Variants in TPD52 observed in about 807,000 individuals in gnomAD.
The protein encoded by TPD52 is tumor protein D52, also known as prostate and colon associated protein.
In TPD52, 17 loss-of-function variants were observed where a neutral mutation model predicts 31.3. The ratio of observed to expected loss-of-function variants is 0.54; its 90% CI spans 0.37 to 0.82. The LOEUF is 0.82. TPD52 is among the 40% of genes least tolerant of loss of function. The pLI, the probability that TPD52 is intolerant of heterozygous loss-of-function variation, is 0.00. For missense variants in TPD52, 212 were observed against 240.1 expected, an observed-to-expected ratio of 0.88 and a Z score of 0.77; for synonymous variants, 83 against 89.6, an observed-to-expected ratio of 0.93 and a Z score of 0.42.
At chr8:80,072,312 C>CGTGTGT (rs1813899661) in intron 1 of TPD52, among the ~76,000 whole-genome samples, 2 of 80,772 alleles carry the variant, frequency 2.5e-5, no homozygotes, top group Non-Finnish European at 5.1e-5. Flanking sequence ...ATCTAAAAAA[C>CGTGTGT]ATATATGTGT....
At chr8:80,038,292 C>A in intron 7 of TPD52, 57 bp from the exon 8 acceptor site, 1 of 1,582,954 alleles carries the variant, frequency 6.3e-7, no homozygotes, top group Non-Finnish European at 8.6e-7. Context: ...CTAGCTGATT[C>A]TGCATAAAGT....
At chr8:80,103,275 G>A (rs1338442634) in intron 1 of TPD52, among the ~76,000 whole-genome samples, 1 of 152,214 alleles carries the variant, frequency 6.6e-6, no homozygotes, top group African/African-American at 2.4e-5. Flanking sequence ...AAAGCCCAAT[G>A]TAAACAGTAA....
chr8:80,091,494 G>A (rs981108648), intron 1 of TPD52, among the ~76,000 whole-genome samples: 1 of 151,548 alleles, frequency 6.6e-6, no homozygotes, highest in African/African-American at 2.4e-5. Context: ...ACACAAAAGA[G>A]CATTACTATT....
chr8:80,092,681 T>C (rs1275659802), intron 1 of TPD52, among the ~76,000 whole-genome samples: 2 of 152,100 alleles, frequency 1.3e-5, no homozygotes, highest in Non-Finnish European at 2.9e-5. Flanking sequence ...AATACAACTG[T>C]CACACGTTCT....
chr8:80,080,828 A>G (rs1175384727), intron 1 of TPD52: 3 of 879,390 alleles, frequency 3.4e-6, no homozygotes, highest in Non-Finnish European at 4.1e-6. Context: ...AACATCAGAC[A>G]CTGGCTGACT....
intron 1 of TPD52, among the ~76,000 whole-genome samples, chr8:80,117,541 T>C (rs368544128): frequency 1.3e-5 from 2 of 152,142 alleles, no homozygotes; most frequent in South Asian, 4.1e-4. Context: ...GACTTAATAT[T>C]GTGGAGATGA....
At chr8:80,061,594 A>AG (rs753018740) in intron 2 of TPD52, among the ~76,000 whole-genome samples, 2 of 152,092 alleles carry the variant, frequency 1.3e-5, no homozygotes, top group Non-Finnish European at 2.9e-5. Context: ...CTGAGGCAGG[A>AG]GGATCACTTG....
intron 1 of TPD52, among the ~76,000 whole-genome samples, chr8:80,088,886 G>A (rs903063460): frequency 7.2e-5 from 11 of 152,088 alleles, no homozygotes; most frequent in African/African-American, 2.4e-4. Context: ...TAGTAGAGAC[G>A]GGGTTTCACT....
intron 1 of TPD52, among the ~76,000 whole-genome samples, chr8:80,126,819 A>C (rs1808645549): frequency 6.6e-6 from 1 of 152,198 alleles, no homozygotes; most frequent in African/African-American, 2.4e-5. Flanking sequence ...TATTTACAAC[A>C]GTTTCATTTA....
At chr8:80,130,960 G>A (rs1441567420) in intron 1 of TPD52, among the ~76,000 whole-genome samples, 1 of 152,204 alleles carries the variant, frequency 6.6e-6, no homozygotes, top group East Asian at 1.9e-4. Context: ...GAACAATCTA[G>A]GAAGAAAGTA....
Position 80,171,467 on chromosome 8 carries a change from C to T in TPD52, c.-24G>A, listed in dbSNP as rs1812097555. Reference sequence around the variant, plus strand: ...ATGTCTCCAGCCCGCCGCCTCGTGTCCTCTGCAGCACCCCCGCCTGCAGCC... The same window carrying T: ...ATGTCTCCAGCCCGCCGCCTCGTGTTCTCTGCAGCACCCCCGCCTGCAGCC... On this transcript the variant is annotated 5_prime_UTR_variant, in exon 1 of 8. Transcript: ENST00000518937. 6.3e-7 allele frequency: 1 copy of T among 1,577,972 alleles called. No individual in the cohort carries two copies. The highest frequency in any genetic ancestry group is 8.5e-7 in the Non-Finnish European group (1 of 1,172,704).
chr8:80,041,036 TG>T (rs1810329617), intron 7 of TPD52, among the ~76,000 whole-genome samples: 1 of 152,132 alleles, frequency 6.6e-6, no homozygotes, highest in Non-Finnish European at 1.5e-5. Context: ...ACTCCTCTTC[TG>T]AAAAAACATT....
At chr8:80,130,050 G>A (rs971839456) in intron 1 of TPD52, among the ~76,000 whole-genome samples, 27 of 152,154 alleles carry the variant, frequency 1.8e-4, no homozygotes, top group African/African-American at 5.8e-4. Flanking sequence ...GCCAGGTCAC[G>A]AGTTTTATAT....
chr8:80,053,309 C>T lies in TPD52; in HGVS notation c.257G>A (p.Gly86Glu), dbSNP rs2130552075. The part of the protein sequence containing the change: ...LQELKQNIAK[G>E]WQDVTATSAY... ...AGATGTTGCTGTCACGTCTTGCCAC[C>T]CTTTGGCAATGTTCTGTTTTAGTTC... Residue 86 changes from glycine (G) to glutamate (E), a missense_variant, in exon 3 of 8, where the codon GGG becomes GAG. By Grantham distance (98) the Gly-to-Glu change is moderately conservative. Transcript: ENST00000518937. 2 of 1,613,542 alleles carry T rather than the reference C, an allele frequency of 1.2e-6. 1 individual carries two copies. The highest frequency in any genetic ancestry group is 4.5e-5 in the East Asian group (2 of 44,874).
chr8:80,171,480 C>A lies in TPD52; in HGVS notation c.-37G>T, dbSNP rs748361658. On this transcript the variant is annotated 5_prime_UTR_variant, in exon 1 of 8. Coordinates refer to ENST00000518937, the MANE Select transcript of TPD52 (RefSeq NM_001025253.3). Reference sequence around the variant, plus strand: ...GCCGCCTCGTGTCCTCTGCAGCACCCCCGCCTGCAGCCCGTCCCGGCTCGG... The same window carrying A: ...GCCGCCTCGTGTCCTCTGCAGCACCACCGCCTGCAGCCCGTCCCGGCTCGG... 2 of 1,561,626 alleles carry A rather than the reference C, an allele frequency of 1.3e-6. No individual in the cohort carries two copies. The highest frequency in any genetic ancestry group is 1.1e-5 in the South Asian group (1 of 87,034).
Position 80,168,115 on chromosome 8 carries a change from T to C in TPD52, c.19+3310A>G, listed in dbSNP as rs534370090. Reference sequence around the variant, plus strand: ...TTAACGTATTTTAAATCATTTGATGTTCACTGAACTCTCACTGTAAGCAGA... The same window carrying C: ...TTAACGTATTTTAAATCATTTGATGCTCACTGAACTCTCACTGTAAGCAGA... On this transcript the variant is annotated intron_variant, in intron 1 of 7. Transcript: ENST00000518937. Among the ~76,000 whole-genome samples the C allele has an allele frequency of 2.6e-5, 4 of 152,372 alleles. No homozygotes were observed. The East Asian group carries it at 5.8e-4, about 22-fold the overall frequency.
At chr8:80,044,648 A>AG (rs1206611581) in intron 5 of TPD52, among the ~76,000 whole-genome samples, 3 of 152,098 alleles carry the variant, frequency 2.0e-5, no homozygotes, top group African/African-American at 7.2e-5. Context: ...TAGTAAGACA[A>AG]GGAGGCAACT....
chr8:80,039,814 T>A (rs1260239443), intron 7 of TPD52, among the ~76,000 whole-genome samples: 1 of 152,124 alleles, frequency 6.6e-6, no homozygotes, highest in African/African-American at 2.4e-5. Context: ...CATTACTGAG[T>A]CCTCTAAGAG....
At chr8:80,126,029 G>A (rs1808575440) in intron 1 of TPD52, among the ~76,000 whole-genome samples, 1 of 152,134 alleles carries the variant, frequency 6.6e-6, no homozygotes, top group African/African-American at 2.4e-5. Context: ...GCATTAATAT[G>A]GTGACACAAT....
Sources: gnomAD v4.1 joint callset for allele counts (sites outside exome capture counted in the v4.1 genomes callset) on GRCh38, gnomAD v4.1.1 for gene constraint, MANE v1.5 for transcripts, NCBI Gene and HGNC (gene_info 2026-07-23, HGNC 2026-07-21) for gene names.